STIP1: variants seen among roughly 807,000 people sequenced by gnomAD.
STIP1 encodes stress induced phosphoprotein 1.
STIP1 carries 16 observed loss-of-function variants against 77.4 expected under a neutral mutation model. The ratio of observed to expected loss-of-function variants is 0.21; its 90% CI spans 0.14 to 0.31. The LOEUF is 0.31. Among genes scored for constraint, STIP1 ranks in the 10% least tolerant of loss-of-function variants. STIP1 has a pLI of 1.00. For synonymous variants in STIP1, 258 were observed against 246.6 expected (o/e 1.05, Z -0.44); for missense variants, 524 against 684.8 (o/e 0.77, Z 2.62).
At position 64,199,946 on chromosome 11, in the gene STIP1, A is replaced by G. The variant is rs1946197859; in HGVS notation, c.1030A>G (p.Lys344Glu). Residue 344 changes from lysine to glutamate, a missense_variant, in exon 9 of 14, where the codon AAA becomes GAA. Lys to Glu is a moderately conservative substitution (Grantham distance 56). Coordinates refer to ENST00000305218, the MANE Select transcript of STIP1 (RefSeq NM_006819.3). ...CAAGAATTATGTTTTGTAGGCAGAG[A>G]AAATCCTGAAGGAGCAAGAGCGGCT... is the stretch of plus-strand genomic sequence containing the variant. ...DVLKKCQQAE[K>E]ILKEQERLAY... 1 of 1,614,168 alleles carries G rather than the reference A, an allele frequency of 6.2e-7. No individual in the cohort carries two copies. Among genetic ancestry groups the G allele is most frequent in the East Asian group, 2.2e-5 (1 of 44,880 alleles).
chr11:64,203,679 G>A (rs1422828130), intron 13 of STIP1, 57 bp downstream of exon 13: 1 of 1,606,830 alleles, frequency 6.2e-7, no homozygotes, highest in Admixed American at 1.7e-5. Context: ...GCAGGCAGAT[G>A]AGTGCACGCG....
At chr11:64,188,053 A>AG (rs1443666105) in intron 1 of STIP1, among the ~76,000 whole-genome samples, 1 of 151,262 alleles carries the variant, frequency 6.6e-6, no homozygotes, top group African/African-American at 2.4e-5. Flanking sequence ...AAAAAAAAAA[A>AG]AAAAGGATCT....
chr11:64,185,606 TG>T, upstream of STIP1: 1 of 603,340 alleles, frequency 1.7e-6, no homozygotes, highest in Non-Finnish European at 2.9e-6. Flanking sequence ...GGGGACCGCC[TG>T]GAACTCGCGG....
At chr11:64,185,556 C>A (rs1164627059), upstream of STIP1, 2 of 493,280 alleles carry the variant, frequency 4.1e-6, no homozygotes, top group Non-Finnish European at 7.3e-6. Flanking sequence ...CATCCCGATG[C>A]GCGGGCGAAG....
chr11:64,194,101 A>G (rs1423519740), intron 2 of STIP1, 88 bp from the exon 3 acceptor site: 5 of 1,532,402 alleles, frequency 3.3e-6, no homozygotes, highest in Non-Finnish European at 4.4e-6. Context: ...TTTTTCCCCC[A>G]TAAAAGTAGA....
intron 8 of STIP1, among the ~76,000 whole-genome samples, chr11:64,198,753 G>GGTTT (rs1555042778): frequency 3.6e-5 from 4 of 111,060 alleles, no homozygotes; most frequent in Non-Finnish European, 7.1e-5. Flanking sequence ...TTTTTTTGTG[G>GGTTT]TTTTTTTTTT....
chr11:64,194,078 A>G, intron 2 of STIP1, 111 bp from the exon 3 acceptor site: 1 of 1,437,104 alleles, frequency 7.0e-7, no homozygotes, highest in East Asian at 2.3e-5. Flanking sequence ...TTTGGCCTTC[A>G]TGTGAATACT....
At chr11:64,197,066 T>G in intron 5 of STIP1, 9 of 625,510 alleles carry the variant, frequency 1.4e-5, no homozygotes, top group East Asian at 3.0e-5. Context: ...AAAGGGGGAG[T>G]TTCAGAGCAA....
chr11:64,203,673 G>C, intron 13 of STIP1, 51 bp downstream of exon 13: 1 of 1,610,392 alleles, frequency 6.2e-7, no homozygotes, highest in Non-Finnish European at 8.5e-7. Flanking sequence ...ACAAAAGCAG[G>C]CAGATGAGTG....
At chr11:64,200,069 GTGC>G in intron 9 of STIP1, 33 bp downstream of exon 9, 1 of 1,614,044 alleles carries the variant, frequency 6.2e-7, no homozygotes, top group Non-Finnish European at 8.5e-7. Flanking sequence ...TGGGGGAGCA[GTGC>G]TGGGTGTGCC....
chr11:64,204,144 C>T lies in STIP1; in HGVS notation c.*18C>T. 2 of 1,613,872 alleles carry T rather than the reference C, an allele frequency of 1.2e-6. No individual in the cohort carries two copies. Among genetic ancestry groups the T allele is most frequent in the South Asian group, 1.1e-5 (1 of 91,072 alleles). On this transcript the variant is annotated 3_prime_UTR_variant, in exon 14 of 14. Transcript: ENST00000305218. ...TTCGGTGATGACTTGTTCATCCCCC[C>T]TTCCCTTCGCCCTCATGTGGAAAGA...
At chr11:64,190,083 C>T (rs771219951) in intron 1 of STIP1, among the ~76,000 whole-genome samples, 3 of 151,982 alleles carry the variant, frequency 2.0e-5, no homozygotes, top group Non-Finnish European at 4.4e-5. Context: ...TCACTGCAGC[C>T]TCCGACTCCC....
rs1946224556 is a variant in STIP1 at position 64,202,076 on chromosome 11, T to C, written c.1246-800T>C. ...AGACATCCAAGTCTTGTGCACGCATTGCCTGAAAAGACTCCTGTCCAGTGC... is the reference window on the plus strand; with the variant it reads ...AGACATCCAAGTCTTGTGCACGCATCGCCTGAAAAGACTCCTGTCCAGTGC... On this transcript the variant is annotated intron_variant, in intron 10 of 13. Transcript: ENST00000305218. Among the ~76,000 whole-genome samples, 3 of 152,350 alleles carry C rather than the reference T, an allele frequency of 2.0e-5. No homozygotes were observed. In the South Asian group the frequency reaches 6.2e-4, roughly 32 times the overall value.
intron 1 of STIP1, among the ~76,000 whole-genome samples, chr11:64,191,701 G>T (rs558706659): frequency 1.9e-4 from 29 of 151,764 alleles, no homozygotes; most frequent in Non-Finnish European, 3.5e-4. Context: ...GGGCAGCTCA[G>T]TAAGGAGAAA....
intron 4 of STIP1, among the ~76,000 whole-genome samples, chr11:64,195,302 C>T (rs546820481): frequency 1.3e-5 from 2 of 152,072 alleles, no homozygotes; most frequent in East Asian, 1.9e-4. Flanking sequence ...TTAGTAGTAG[C>T]GGTGGGTTTC....
chr11:64,187,132 C>T (rs2134777822), intron 1 of STIP1, among the ~76,000 whole-genome samples: 1 of 152,228 alleles, frequency 6.6e-6, no homozygotes. Context: ...CTCTACTGAG[C>T]ATTTGAGGGG....
chr11:64,189,887 T>G (rs1022687302), intron 1 of STIP1, among the ~76,000 whole-genome samples: 3 of 148,250 alleles, frequency 2.0e-5, no homozygotes, highest in African/African-American at 8.0e-5. Flanking sequence ...GGCTCTAGGA[T>G]TTTTTATCCC....
Position 64,203,188 on chromosome 11 carries a change from A to G in STIP1, c.1346A>G (p.Asp449Gly). 6.2e-7 allele frequency: 1 copy of G among 1,614,176 alleles called. No homozygotes were observed. Among genetic ancestry groups the G allele is most frequent in the Non-Finnish European group, 8.5e-7 (1 of 1,180,044 alleles). ...EAMKDYTKAM[D>G]VYQKALDLDS... The stretch of plus-strand genomic sequence containing the variant: ...ATGAAGGACTACACCAAAGCCATGG[A>G]TGTGTACCAGAAGGCGCTAGACCTG... The change falls in exon 12 of 14, where the codon GAT becomes GGT. Residue 449 changes from aspartate (D) to glycine (G), a missense_variant. Transcript: ENST00000305218.
Position 64,195,702 on chromosome 11 carries a change from G to T in STIP1, c.561G>T (p.Leu187=). 1 of 1,614,040 alleles carries T rather than the reference G, an allele frequency of 6.2e-7. No individual in the cohort carries two copies. The highest frequency in any genetic ancestry group is 2.2e-5 in the East Asian group (1 of 44,870). ...TTLSVLLGVD[L]GSMDEEEEIA... Reference sequence around the variant, plus strand: ...TCAGCGTCCTCCTTGGGGTCGATCTGGGCAGTATGGATGAGGAGGAAGAGA... The same window carrying T: ...TCAGCGTCCTCCTTGGGGTCGATCTTGGCAGTATGGATGAGGAGGAAGAGA... The change falls in exon 5 of 14, where the codon CTG becomes CTT. Residue 187 remains leucine (L), a synonymous_variant. Transcript: ENST00000305218.
Sources: gnomAD v4.1 joint callset for allele counts (sites outside exome capture counted in the v4.1 genomes callset) on GRCh38, gnomAD v4.1.1 for gene constraint, MANE v1.5 for transcripts, NCBI Gene and HGNC (gene_info 2026-07-23, HGNC 2026-07-21) for gene names.